The following IFTAP variants were observed in gnomAD, a reference collection of about 807,000 sequenced individuals.
IFTAP encodes the protein intraflagellar transport-associated protein.
In IFTAP, 19 loss-of-function variants were observed where a neutral mutation model predicts 19.4. The ratio of observed to expected loss-of-function variants is 0.98; its 90% CI spans 0.68 to 1.44. The LOEUF is 1.44. IFTAP is among the 40% of genes most tolerant of loss of function. The pLI, the probability that IFTAP is intolerant of heterozygous loss-of-function variation, is 0.00. For synonymous variants in IFTAP, 85 were observed against 83.5 expected (o/e 1.02, Z -0.10); for missense variants, 240 against 253.6 (o/e 0.95, Z 0.36).
intron 1 of IFTAP, among the ~76,000 whole-genome samples, chr11:36,596,934 G>T (rs1469969295): frequency 1.3e-5 from 2 of 152,154 alleles, no homozygotes; most frequent in African/African-American, 2.4e-5. Context: ...TTGTAGCTTA[G>T]TCTAGGCCCC....
chr11:36,624,405 A>G (rs1852430040), intron 2 of IFTAP, among the ~76,000 whole-genome samples: 1 of 152,186 alleles, frequency 6.6e-6, no homozygotes, highest in Non-Finnish European at 1.5e-5. Context: ...CTTCTGGGTC[A>G]TATCCTTAAG....
intron 2 of IFTAP, among the ~76,000 whole-genome samples, chr11:36,623,138 A>G (rs974465272): frequency 1.3e-5 from 2 of 152,124 alleles, no homozygotes; most frequent in African/African-American, 4.8e-5. Flanking sequence ...GTACTTATTA[A>G]AAAGTAGATT....
intron 2 of IFTAP, among the ~76,000 whole-genome samples, chr11:36,620,025 TA>T (rs1390561603): frequency 6.6e-6 from 1 of 152,018 alleles, no homozygotes; most frequent in Non-Finnish European, 1.5e-5. Context: ...GACTTGCTAA[TA>T]AAAGTAACTA....
intron 2 of IFTAP, among the ~76,000 whole-genome samples, chr11:36,617,529 C>T (rs894100811): frequency 6.6e-6 from 1 of 151,864 alleles, no homozygotes; most frequent in Admixed American, 6.6e-5. Context: ...TGATGTACCA[C>T]TAGTTTTGAG....
chr11:36,603,697 G>A (rs750180705), intron 1 of IFTAP, among the ~76,000 whole-genome samples: 26 of 152,050 alleles, frequency 1.7e-4, no homozygotes, highest in Non-Finnish European at 2.2e-4. Flanking sequence ...CGAGGTGGGC[G>A]GATCACTTGA....
At chr11:36,630,356 A>C (rs1182834428) in intron 2 of IFTAP, among the ~76,000 whole-genome samples, 1 of 151,386 alleles carries the variant, frequency 6.6e-6, no homozygotes, top group Non-Finnish European at 1.5e-5. Context: ...AAGTTTAGGA[A>C]GGAGCCTTAA....
intron 2 of IFTAP, among the ~76,000 whole-genome samples, chr11:36,619,508 G>C (rs1341118466): frequency 6.6e-6 from 1 of 151,998 alleles, no homozygotes; most frequent in African/African-American, 2.4e-5. Context: ...GAGCAGGAAA[G>C]GAATTTCAGT....
intron 2 of IFTAP, among the ~76,000 whole-genome samples, chr11:36,626,977 TGTG>T (rs1399532510): frequency 7.3e-5 from 11 of 151,156 alleles, no homozygotes; most frequent in African/African-American, 2.7e-4. Flanking sequence ...AAAAATAAAA[TGTG>T]GTACTATTCA....
chr11:36,618,214 T>A (rs1852164476), intron 2 of IFTAP, among the ~76,000 whole-genome samples: 1 of 151,926 alleles, frequency 6.6e-6, no homozygotes, highest in Admixed American at 6.6e-5. Flanking sequence ...AAAGAGATAA[T>A]TAGGGTTAAA....
intron 2 of IFTAP, among the ~76,000 whole-genome samples, chr11:36,620,795 G>A (rs939877729): frequency 1.3e-5 from 2 of 151,378 alleles, no homozygotes. Context: ...TGAAGACATG[G>A]GAATTAAAAA....
At chr11:36,595,439 G>A (rs1287909733) in intron 1 of IFTAP, among the ~76,000 whole-genome samples, 1 of 152,194 alleles carries the variant, frequency 6.6e-6, no homozygotes, top group Non-Finnish European at 1.5e-5. Flanking sequence ...GCAGTGTGAT[G>A]TCCTGTGCAC....
intron 5 of IFTAP, among the ~76,000 whole-genome samples, chr11:36,658,664 C>T (rs1395509675): frequency 2.0e-5 from 3 of 152,020 alleles, no homozygotes; most frequent in Non-Finnish European, 4.4e-5. Context: ...ATATTTTTCT[C>T]ACATTTTAAT....
At chr11:36,646,144 G>T (rs565339750) in intron 4 of IFTAP, among the ~76,000 whole-genome samples, 84 of 152,318 alleles carry the variant, frequency 5.5e-4, no homozygotes, top group African/African-American at 1.9e-3. Flanking sequence ...GGTTAGAGAA[G>T]TGAAGTTTCA....
chr11:36,610,768 T>C (rs1206854002), intron 2 of IFTAP, among the ~76,000 whole-genome samples: 1 of 152,166 alleles, frequency 6.6e-6, no homozygotes, highest in East Asian at 1.9e-4. Flanking sequence ...TAGTGACTAA[T>C]ACATAATAAG....
At chr11:36,658,899 C>A in intron 5 of IFTAP, 120 bp from the exon 6 acceptor site, 1 of 663,282 alleles carries the variant, frequency 1.5e-6, no homozygotes, top group South Asian at 3.2e-5. Flanking sequence ...GCTTAATCAG[C>A]TGAGAGTGCT....
chr11:36,615,769 A>G (rs1423640506), intron 2 of IFTAP, among the ~76,000 whole-genome samples: 1 of 149,066 alleles, frequency 6.7e-6, no homozygotes, highest in Non-Finnish European at 1.5e-5. Flanking sequence ...TTGATTTTGT[A>G]TCCTGAGACT....
chr11:36,628,810 A>G (rs1852619987), intron 2 of IFTAP, among the ~76,000 whole-genome samples: 1 of 151,212 alleles, frequency 6.6e-6, no homozygotes, highest in Admixed American at 6.6e-5. Flanking sequence ...TTTCCAGACC[A>G]GGGTTGTGCA....
At chr11:36,632,640 AAC>A (rs1852770490) in intron 2 of IFTAP, among the ~76,000 whole-genome samples, 1 of 151,324 alleles carries the variant, frequency 6.6e-6, no homozygotes, top group Admixed American at 6.6e-5. Flanking sequence ...TATAATTTTA[AAC>A]AGTCAAGAAT....
chr11:36,613,785 T>C (rs1851958541), intron 2 of IFTAP, among the ~76,000 whole-genome samples: 1 of 152,112 alleles, frequency 6.6e-6, no homozygotes, highest in Non-Finnish European at 1.5e-5. Flanking sequence ...GATGGTTCTT[T>C]GGGTCACGGT....
Sources: allele counts gnomAD v4.1 joint callset (sites outside exome capture counted in the v4.1 genomes callset), GRCh38; gene constraint gnomAD v4.1.1; transcripts MANE v1.5; gene names NCBI Gene and HGNC (gene_info 2026-07-23, HGNC 2026-07-21).